C8orf34: variants seen among roughly 807,000 people sequenced by gnomAD.
The protein encoded by C8orf34 is chromosome 8 open reading frame 34, also known as uncharacterized protein C8orf34.
A neutral mutation model predicts 68.3 loss-of-function variants in C8orf34; 65 were observed. That is an observed-to-expected ratio of 0.95 (90% CI 0.78 to 1.17). The LOEUF is 1.17. Among genes scored for constraint, C8orf34 ranks in the 50% most tolerant of loss-of-function variants. The pLI is 0.00. For synonymous variants in C8orf34, 244 were observed against 241.2 expected (o/e 1.01, Z -0.11); for missense variants, 664 against 655.4 (o/e 1.01, Z -0.14).
intron 4 of C8orf34, among the ~76,000 whole-genome samples, chr8:68,474,932 T>C (rs114485140): frequency 6.6e-6 from 1 of 152,210 alleles, no homozygotes; most frequent in African/African-American, 2.4e-5. Context: ...CCAATCAGCC[T>C]TCACTATAAG....
intron 8 of C8orf34, among the ~76,000 whole-genome samples, chr8:68,690,685 G>T (rs1390468065): frequency 6.6e-6 from 1 of 151,930 alleles, no homozygotes; most frequent in Non-Finnish European, 1.5e-5. Flanking sequence ...TCAAAGTAGA[G>T]ACTAAATTTC....
chr8:68,351,024 T>C (rs1210598306), intron 1 of C8orf34, among the ~76,000 whole-genome samples: 1 of 151,918 alleles, frequency 6.6e-6, no homozygotes, highest in Non-Finnish European at 1.5e-5. Flanking sequence ...GTTATTATGT[T>C]GGCTTGTTTG....
chr8:68,487,972 A>T (rs760254408), intron 4 of C8orf34, 51 bp from the exon 5 acceptor site: 20 of 1,238,022 alleles, frequency 1.6e-5, no homozygotes, highest in Non-Finnish European at 2.1e-5. Flanking sequence ...ACATTAGGTT[A>T]CTAAAGATTG....
intron 1 of C8orf34, among the ~76,000 whole-genome samples, chr8:68,418,093 T>G (rs1342441454): frequency 6.8e-6 from 1 of 147,214 alleles, no homozygotes; most frequent in South Asian, 2.2e-4. Context: ...TGGCTCTTGG[T>G]TTGTCTGTTA....
intron 8 of C8orf34, among the ~76,000 whole-genome samples, chr8:68,705,940 G>A (rs1173260796): frequency 6.6e-6 from 1 of 152,192 alleles, no homozygotes; most frequent in Non-Finnish European, 1.5e-5. Context: ...GCGTTGGAAA[G>A]GTAGTGAATA....
intron 1 of C8orf34, among the ~76,000 whole-genome samples, chr8:68,402,278 A>G (rs1176230441): frequency 1.3e-5 from 2 of 151,924 alleles, no homozygotes; most frequent in African/African-American, 2.4e-5. Flanking sequence ...CTGATTTTGT[A>G]TATTTGAATC....
chr8:68,692,437 G>T (rs1192736802), intron 8 of C8orf34, among the ~76,000 whole-genome samples: 1 of 152,014 alleles, frequency 6.6e-6, no homozygotes, highest in Non-Finnish European at 1.5e-5. Flanking sequence ...TTATGAACAT[G>T]TATATTTCAT....
At chr8:68,570,539 A>T (rs142249286) in intron 7 of C8orf34, among the ~76,000 whole-genome samples, 5 of 152,336 alleles carry the variant, frequency 3.3e-5, no homozygotes, top group African/African-American at 1.2e-4. Flanking sequence ...TAATAGTTGC[A>T]GTTCCCCTAT....
Position 68,534,630 on chromosome 8 carries a change from C to T in C8orf34, c.1105+1481C>T. On this transcript the variant is annotated intron_variant, in intron 7 of 13. Coordinates refer to ENST00000518698, the MANE Select transcript of C8orf34 (RefSeq NM_052958.4). The stretch of plus-strand genomic sequence containing the variant: ...CCTGAAAAGCAAATAGATGTAAGCT[C>T]AGCAGGTGGGGTGTGGTCATTGTAG... The T allele has an allele frequency of 5.1e-6, 5 of 985,484 alleles. No individual in the cohort carries two copies. The South Asian group carries it at 1.9e-4, about 37-fold the overall frequency. The allele number at this position is 985,484 out of a possible 1,614,324, so 61.0% of individuals were successfully genotyped here.
intron 5 of C8orf34, among the ~76,000 whole-genome samples, chr8:68,499,901 G>C (rs1232660744): frequency 6.6e-6 from 1 of 152,144 alleles, no homozygotes; most frequent in African/African-American, 2.4e-5. Context: ...TGGATTGGGG[G>C]CGGATCCCTC....
At chr8:68,417,327 A>T (rs1045528494) in intron 1 of C8orf34, among the ~76,000 whole-genome samples, 1 of 152,086 alleles carries the variant, frequency 6.6e-6, no homozygotes, top group Non-Finnish European at 1.5e-5. Flanking sequence ...ATTGGCACAT[A>T]TGCAAAATGG....
At chr8:68,811,049 C>T (rs549850883) in intron 12 of C8orf34, among the ~76,000 whole-genome samples, 2 of 152,336 alleles carry the variant, frequency 1.3e-5, no homozygotes, top group East Asian at 3.9e-4. Context: ...CCGCCATCAA[C>T]CTGCCATTCA....
At chr8:68,735,085 A>C (rs1279265690) in intron 10 of C8orf34, among the ~76,000 whole-genome samples, 1 of 152,194 alleles carries the variant, frequency 6.6e-6, no homozygotes, top group Admixed American at 6.5e-5. Context: ...TAGAGAAGGT[A>C]AGTAACTACA....
At chr8:68,798,491 T>C (rs2129529462) in intron 12 of C8orf34, among the ~76,000 whole-genome samples, 1 of 152,240 alleles carries the variant, frequency 6.6e-6, no homozygotes, top group Non-Finnish European at 1.5e-5. Flanking sequence ...TAAACTCTTA[T>C]CAGATGATAA....
chr8:68,507,801 T>C (rs1160245620), intron 5 of C8orf34, among the ~76,000 whole-genome samples: 3 of 152,262 alleles, frequency 2.0e-5, no homozygotes, highest in Admixed American at 1.3e-4. Context: ...AAATAATTTA[T>C]GGATTTCCTT....
intron 7 of C8orf34, among the ~76,000 whole-genome samples, chr8:68,605,757 G>C (rs1454095532): frequency 6.6e-6 from 1 of 152,070 alleles, no homozygotes; most frequent in Non-Finnish European, 1.5e-5. Context: ...AGGATTGTTA[G>C]GACAGTGAAA....
intron 7 of C8orf34, among the ~76,000 whole-genome samples, chr8:68,603,619 A>G (rs779139213): frequency 4.0e-5 from 6 of 151,840 alleles, no homozygotes; most frequent in Non-Finnish European, 7.4e-5. Context: ...TGAATCTCAG[A>G]ATATTAAGTA....
rs933642720 is a variant in C8orf34, at chr8:68,439,646, G to A, written c.475G>A (p.Glu159Lys). 1 of 1,606,136 alleles carries A rather than the reference G, an allele frequency of 6.2e-7. No individual in the cohort carries two copies. Among genetic ancestry groups the A allele is most frequent in the Non-Finnish European group, 8.5e-7 (1 of 1,177,240 alleles). The change falls in exon 2 of 14, where the codon GAA becomes AAA. Residue 159 changes from glutamate (E) to lysine (K), a missense_variant and splice_region_variant. Physicochemically the swap from Glu to Lys is moderately conservative, Grantham distance 56. Transcript: ENST00000518698. ...AALWAESEKSESKGTRRDFRS... is the reference protein window; with the variant it reads ...AALWAESEKSKSKGTRRDFRS... ...TCTATGGGCAGAAAGTGAAAAATCA[G>A]GTAAATGAAGAATGTCTATGCAGTT...
chr8:68,797,196 A>C (rs892578279), intron 12 of C8orf34, among the ~76,000 whole-genome samples: 2 of 152,170 alleles, frequency 1.3e-5, no homozygotes, highest in Non-Finnish European at 2.9e-5. Flanking sequence ...GAATCTATTA[A>C]TTTTTGGAAG....
Sources: allele counts gnomAD v4.1 joint callset (sites outside exome capture counted in the v4.1 genomes callset), GRCh38; gene constraint gnomAD v4.1.1; transcripts MANE v1.5; gene names NCBI Gene and HGNC (gene_info 2026-07-23, HGNC 2026-07-21).